ADGRL2: variants seen among roughly 807,000 people sequenced by gnomAD.
The protein encoded by ADGRL2 is adhesion G protein-coupled receptor L2, also known as calcium-independent alpha-latrotoxin receptor 2.
A neutral mutation model predicts 157.4 loss-of-function variants in ADGRL2; 44 were observed. That is an observed-to-expected ratio of 0.28 (90% CI 0.22 to 0.36). ADGRL2 has a LOEUF of 0.36. Ranked by LOEUF, ADGRL2 falls within the 10% of genes least tolerant of loss-of-function variation. The pLI, the probability that ADGRL2 is intolerant of heterozygous loss-of-function variation, is 1.00. For missense variants in ADGRL2, 1,510 were observed against 1,768.9 expected (o/e 0.85, Z 2.63); for synonymous variants, 585 against 624.7 (o/e 0.94, Z 0.95).
At chr1:81,978,554 A>T (rs180927002) in intron 17 of ADGRL2, among the ~76,000 whole-genome samples, 9 of 151,900 alleles carry the variant, frequency 5.9e-5, no homozygotes, top group Admixed American at 5.9e-4. Context: ...TTCTCCATCT[A>T]AGAGAAATCA....
Position 81,415,755 on chromosome 1 carries a change from G to A in ADGRL2, c.-301-29281G>A, listed in dbSNP as rs1450619949. 4.6e-5 allele frequency among the ~76,000 whole-genome samples: 7 copies of A among 152,204 alleles called. No homozygotes were observed. In the East Asian group the frequency reaches 1.4e-3, roughly 29 times the overall value. ...TAGTCCTGAAATACTAATAGAGGCA[G>A]CATTCCTGCACATACTAGGAAATCA... On this transcript the variant is annotated intron_variant, in intron 1 of 24. Transcript: ENST00000370721.
intron 2 of ADGRL2, among the ~76,000 whole-genome samples, chr1:81,512,294 T>C (rs1351929094): frequency 6.6e-6 from 1 of 152,178 alleles, no homozygotes; most frequent in East Asian, 1.9e-4. Flanking sequence ...AATTGCTTTA[T>C]TGGTGAAGGG....
chr1:81,525,273 T>G (rs569817278), intron 2 of ADGRL2, among the ~76,000 whole-genome samples: 1 of 151,646 alleles, frequency 6.6e-6, no homozygotes, highest in Admixed American at 6.6e-5. Context: ...GGAAGGAGCC[T>G]AACATTCCAC....
At chr1:81,859,664 T>C (rs1422946344) in intron 2 of ADGRL2, among the ~76,000 whole-genome samples, 2 of 152,130 alleles carry the variant, frequency 1.3e-5, no homozygotes, top group African/African-American at 2.4e-5. Context: ...CACCTTGGCC[T>C]CCCAAAGTGC....
chr1:81,823,804 A>G (rs2149917704), intron 1 of ADGRL2, among the ~76,000 whole-genome samples: 1 of 152,256 alleles, frequency 6.6e-6, no homozygotes, highest in Non-Finnish European at 1.5e-5. Context: ...CTATACCAAG[A>G]AAGGTATAGA....
intron 2 of ADGRL2, among the ~76,000 whole-genome samples, chr1:81,860,776 G>A (rs1386514797): frequency 2.0e-5 from 3 of 152,114 alleles, no homozygotes; most frequent in African/African-American, 4.8e-5. Flanking sequence ...CTGACTTTCA[G>A]CCGTGAAATA....
intron 3 of ADGRL2, among the ~76,000 whole-genome samples, chr1:81,648,223 CCTTT>C (rs2082349681): frequency 6.6e-6 from 1 of 152,160 alleles, no homozygotes; most frequent in Non-Finnish European, 1.5e-5. Flanking sequence ...CTAAGAACCG[CCTTT>C]CTATCAGCAG....
chr1:81,832,665 G>A (rs2092028030), intron 1 of ADGRL2, among the ~76,000 whole-genome samples: 1 of 152,248 alleles, frequency 6.6e-6, no homozygotes, highest in African/African-American at 2.4e-5. Context: ...TGAAGAAAGA[G>A]GGTGGTGACT....
intron 6 of ADGRL2, 48 bp from the exon 7 acceptor site, chr1:81,950,141 G>A: frequency 6.8e-7 from 1 of 1,480,832 alleles, no homozygotes; most frequent in Non-Finnish European, 9.4e-7. Context: ...GACTGTATGT[G>A]AGTGCAAGTG....
chr1:81,416,532 TAATC>T (rs1570908343), intron 1 of ADGRL2, among the ~76,000 whole-genome samples: 2 of 152,324 alleles, frequency 1.3e-5, no homozygotes, highest in East Asian at 3.9e-4. Flanking sequence ...GTAGATTAAA[TAATC>T]AGTTTCCTTT....
At chr1:81,565,792 T>C (rs1467454131) in intron 2 of ADGRL2, among the ~76,000 whole-genome samples, 2 of 152,190 alleles carry the variant, frequency 1.3e-5, no homozygotes, top group Non-Finnish European at 2.9e-5. Context: ...TCTCATCTGA[T>C]GTTTTCCCAT....
At chr1:81,765,185 A>G (rs2086071134) in intron 2 of ADGRL2, among the ~76,000 whole-genome samples, 1 of 151,982 alleles carries the variant, frequency 6.6e-6, no homozygotes, top group African/African-American at 2.4e-5. Context: ...ATTCACACAG[A>G]TTTGTATATG....
At chr1:81,879,146 G>A (rs1286123803) in intron 2 of ADGRL2, among the ~76,000 whole-genome samples, 1 of 152,064 alleles carries the variant, frequency 6.6e-6, no homozygotes, top group African/African-American at 2.4e-5. Flanking sequence ...TTAATACTAG[G>A]ACCAGACTGA....
chr1:81,517,480 A>AAT (rs1316054155), intron 2 of ADGRL2, among the ~76,000 whole-genome samples: 1 of 151,286 alleles, frequency 6.6e-6, no homozygotes, highest in Non-Finnish European at 1.5e-5. Context: ...AAAAAAAAAA[A>AAT]AAAAAAAAAG....
At chr1:81,524,362 T>C (rs1368485222) in intron 2 of ADGRL2, among the ~76,000 whole-genome samples, 1 of 152,136 alleles carries the variant, frequency 6.6e-6, no homozygotes, top group Non-Finnish European at 1.5e-5. Flanking sequence ...CGAGACTCCG[T>C]CTCAAAAAAT....
At chr1:81,748,536 T>C (rs2085385746) in intron 1 of ADGRL2, among the ~76,000 whole-genome samples, 1 of 151,256 alleles carries the variant, frequency 6.6e-6, no homozygotes, top group African/African-American at 2.4e-5. Context: ...TGACCATATC[T>C]GCAATTTAAA....
intron 8 of ADGRL2, among the ~76,000 whole-genome samples, chr1:81,951,401 C>T (rs191833875): frequency 1.2e-4 from 19 of 152,116 alleles, no homozygotes; most frequent in Admixed American, 9.2e-4. Context: ...AAAATGCATT[C>T]GCCGATTAAA....
At chr1:81,817,805 C>A (rs962519453) in intron 1 of ADGRL2, among the ~76,000 whole-genome samples, 1 of 152,008 alleles carries the variant, frequency 6.6e-6, no homozygotes, top group Non-Finnish European at 1.5e-5. Flanking sequence ...TTACCGTTAT[C>A]TACCTCTCAC....
intron 2 of ADGRL2, chr1:81,502,575 T>A: frequency 6.2e-7 from 1 of 1,613,792 alleles, no homozygotes; most frequent in Non-Finnish European, 8.5e-7. Flanking sequence ...CTGGTGGAGA[T>A]CATCAACAAG....
Sources: allele counts gnomAD v4.1 joint callset (sites outside exome capture counted in the v4.1 genomes callset), GRCh38; gene constraint gnomAD v4.1.1; transcripts MANE v1.5; gene names NCBI Gene and HGNC (gene_info 2026-07-23, HGNC 2026-07-21).